Variants in PODXL observed in about 807,000 individuals in gnomAD.
PODXL encodes the protein podocalyxin like, also known as podocalyxin.
PODXL carries 20 observed loss-of-function variants against 48.9 expected under a neutral mutation model. That is an observed-to-expected ratio of 0.41 (90% confidence interval 0.29 to 0.59). The LOEUF (loss-of-function observed/expected upper bound fraction) is 0.59, where lower values mean the gene tolerates loss of function less well. PODXL is among the 20% of genes least tolerant of loss of function. The pLI is 0.31. For synonymous variants in PODXL, 295 were observed against 287.4 expected, an observed-to-expected ratio of 1.03 and a Z score of -0.27; for missense variants, 606 against 675.1, an observed-to-expected ratio of 0.90 and a Z score of 1.13.
At position 131,500,780 on chromosome 7, in the gene PODXL, C is replaced by A. The variant is rs1299468588; in HGVS notation, c.*3531G>T. 1 of 152,170 alleles carries A rather than the reference C, an allele frequency of 6.6e-6. No homozygotes were observed. The highest frequency in any genetic ancestry group is 2.4e-5 in the African/African-American group (1 of 41,424). 9.4% of individuals were successfully genotyped at this position (152,170 alleles called of 1,614,324 possible). A position where few individuals can be genotyped will look rare whatever the true frequency, so the allele number is the denominator to read the frequency against. On this transcript the variant is annotated 3_prime_UTR_variant, in exon 9 of 9. Coordinates refer to ENST00000378555, the MANE Select transcript of PODXL (RefSeq NM_001018111.3). Reference sequence around the variant, plus strand: ...CTCCCTAGCCTTGCTAGGGTAACAACTGGGAAAGGAATTCTGTCCTTTGTG... The same window carrying A: ...CTCCCTAGCCTTGCTAGGGTAACAAATGGGAAAGGAATTCTGTCCTTTGTG...
Position 131,500,662 on chromosome 7 carries a change from CT to C in PODXL, c.*3648del, listed in dbSNP as rs1201638098. ...TAAAAGCTCATCCAAAACTTTGTTT[CT>C]TGGCAGAAAGAAAGAATTGTTCACT... On this transcript the variant is annotated 3_prime_UTR_variant, in exon 9 of 9. Coordinates refer to ENST00000378555, the MANE Select transcript of PODXL (RefSeq NM_001018111.3). 1.3e-5 allele frequency: 2 copies of C among 152,206 alleles called. No individual in the cohort carries two copies. The highest frequency in any genetic ancestry group is 4.8e-5 in the African/African-American group (2 of 41,454). The allele number at this position is 152,206 out of a possible 1,614,324, so 9.4% of individuals were successfully genotyped here.
intron 1 of PODXL, among the ~76,000 whole-genome samples, chr7:131,536,504 A>C (rs903128730): frequency 6.6e-6 from 1 of 152,192 alleles, no homozygotes; most frequent in Non-Finnish European, 1.5e-5. Flanking sequence ...GATGGTGCTT[A>C]CACCCTCGGG....
chr7:131,506,107 C>T, intron 7 of PODXL, 72 bp from the exon 8 acceptor site: 2 of 1,564,952 alleles, frequency 1.3e-6, no homozygotes, highest in South Asian at 2.3e-5. Context: ...ACTGTAGAGC[C>T]CCTCCGCTTG....
intron 6 of PODXL, 47 bp from the exon 7 acceptor site, chr7:131,506,368 C>G (rs1277782955): frequency 6.3e-7 from 1 of 1,598,538 alleles, no homozygotes; most frequent in Admixed American, 1.7e-5. Context: ...CAGAGCGAGG[C>G]AGTGGGGGAC....
chr7:131,523,833 C>CTGTTGCCCA (rs1798130369), intron 1 of PODXL, among the ~76,000 whole-genome samples: 1 of 149,744 alleles, frequency 6.7e-6, no homozygotes, highest in South Asian at 2.1e-4. Flanking sequence ...CAGTCTCACT[C>CTGTTGCCCA]TGTTGCCCAG....
intron 1 of PODXL, among the ~76,000 whole-genome samples, chr7:131,534,454 T>A (rs988146083): frequency 6.6e-6 from 1 of 152,160 alleles, no homozygotes; most frequent in Non-Finnish European, 1.5e-5. Flanking sequence ...GGCCGCCACC[T>A]GTGAGAGCTC....
At chr7:131,550,392 C>G (rs1798649792) in intron 1 of PODXL, among the ~76,000 whole-genome samples, 1 of 152,186 alleles carries the variant, frequency 6.6e-6, no homozygotes. Context: ...CATGATGGCT[C>G]ATGCCTGTAA....
rs201847316 is a variant in PODXL, at chr7:131,556,290, G to A, written c.70C>T (p.Pro24Ser). ...LSTPPLLPSSPSPSPSPSQNA... is the reference protein window; with the variant it reads ...LSTPPLLPSSSSPSPSPSQNA... ...TGGGAGGGCGACGGCGACGGCGACG[G>A]CGACGACGGCAGCAGCGGCGGCGTT... The change falls in exon 1 of 9, where the codon CCG (proline) becomes TCG (serine). Residue 24 changes from proline (P) to serine (S), a missense_variant. By Grantham distance (74) the Pro-to-Ser change is moderately conservative. Transcript: ENST00000378555. 1 of 1,484,600 alleles carries A rather than the reference G, an allele frequency of 6.7e-7. No homozygotes were observed. Among genetic ancestry groups the A allele is most frequent in the Non-Finnish European group, 8.9e-7 (1 of 1,122,012 alleles). The allele number at this position is 1,484,600 out of a possible 1,614,324, so 92.0% of individuals were successfully genotyped here. A position where few individuals can be genotyped will look rare whatever the true frequency, so the allele number is the denominator to read the frequency against.
chr7:131,504,630 C>A, intron 8 of PODXL, 122 bp from the exon 9 acceptor site: 1 of 793,072 alleles, frequency 1.3e-6, no homozygotes, highest in East Asian at 2.5e-5. Context: ...CCTCATTGCT[C>A]GCCTGTGGGG....
At chr7:131,546,844 C>T (rs752447557) in intron 1 of PODXL, among the ~76,000 whole-genome samples, 1 of 152,062 alleles carries the variant, frequency 6.6e-6, no homozygotes. Flanking sequence ...GCAGGGGGCG[C>T]CATCTCAGTG....
chr7:131,526,080 T>G (rs1013231254), intron 1 of PODXL, among the ~76,000 whole-genome samples: 1 of 152,224 alleles, frequency 6.6e-6, no homozygotes. Flanking sequence ...ATGTTTGGTT[T>G]CTGATACCAT....
At position 131,511,154 on chromosome 7, in the gene PODXL, T is replaced by C; in HGVS notation, c.380A>G (p.Lys127Arg). Reference sequence around the variant, plus strand: ...TGCAACTGTAGTGGTGTCTGCACTTTTTGTGCTCTTGGGGCTCTCGATGGT... The same window carrying C: ...TGCAACTGTAGTGGTGTCTGCACTTCTTGTGCTCTTGGGGCTCTCGATGGT... ...TTTIESPKST[K>R]SADTTTVATS... The change falls in exon 2 of 9, where the codon AAA (lysine) becomes AGA (arginine). Residue 127 changes from lysine (K) to arginine (R), a missense_variant. Physicochemically the swap from Lys to Arg is conservative, Grantham distance 26 (BLOSUM62 2). Transcript: ENST00000378555. 1 of 1,614,032 alleles carries C rather than the reference T, an allele frequency of 6.2e-7. No homozygotes were observed. Among genetic ancestry groups the C allele is most frequent in the Non-Finnish European group, 8.5e-7 (1 of 1,180,008 alleles).
chr7:131,504,974 C>G (rs1040327172), intron 8 of PODXL, among the ~76,000 whole-genome samples: 2 of 152,212 alleles, frequency 1.3e-5, no homozygotes, highest in African/African-American at 4.8e-5. Context: ...CTGGCAGAGG[C>G]GCTTTCTGTC....
At position 131,556,605 on chromosome 7, in the gene PODXL, C is replaced by T. The variant is rs1436196848; in HGVS notation, c.-246G>A. The T allele has an allele frequency of 1.7e-5, 5 of 300,294 alleles. No homozygotes were observed. Among genetic ancestry groups the T allele is most frequent in the Non-Finnish European group, 2.3e-5 (4 of 171,596 alleles). The allele number at this position is 300,294 out of a possible 1,614,324, so 18.6% of individuals were successfully genotyped here. On this transcript the variant is annotated 5_prime_UTR_variant, in exon 1 of 9. Coordinates refer to ENST00000378555, the MANE Select transcript of PODXL (RefSeq NM_001018111.3). ...GCGGCGGCGGCTGCGTCCTGGGCGG[C>T]GTCTGCGCGGCTGCGGCCCCACTGG...
chr7:131,527,843 A>G (rs1798211984), intron 1 of PODXL, among the ~76,000 whole-genome samples: 1 of 151,444 alleles, frequency 6.6e-6, no homozygotes, highest in African/African-American at 2.4e-5. Flanking sequence ...CAGAGGAGAT[A>G]GACCTGTGCC....
At chr7:131,505,842 CTG>C in intron 8 of PODXL, 24 bp downstream of exon 8, 1 of 1,542,480 alleles carries the variant, frequency 6.5e-7, no homozygotes, top group East Asian at 2.4e-5. Context: ...GCTGCTTCCC[CTG>C]TGTGGCTGCA....
At chr7:131,511,461 GT>G in intron 1 of PODXL, 28 bp from the exon 2 acceptor site, 1 of 1,597,894 alleles carries the variant, frequency 6.3e-7, no homozygotes, top group African/African-American at 1.3e-5. Flanking sequence ...AGAGAATGGA[GT>G]TAGGGCTGGG....
At chr7:131,517,528 CAA>C in intron 1 of PODXL, among the ~76,000 whole-genome samples, 1 of 152,304 alleles carries the variant, frequency 6.6e-6, no homozygotes, top group East Asian at 1.9e-4. Context: ...GCTGCGTTAA[CAA>C]ATGACTACAA....
At chr7:131,522,968 A>G (rs1265886139) in intron 1 of PODXL, among the ~76,000 whole-genome samples, 1 of 152,202 alleles carries the variant, frequency 6.6e-6, no homozygotes, top group Non-Finnish European at 1.5e-5. Flanking sequence ...TTGGGCTATT[A>G]TGCATAATGC....
Sources: allele counts gnomAD v4.1 joint callset (sites outside exome capture counted in the v4.1 genomes callset), GRCh38; gene constraint gnomAD v4.1.1; transcripts MANE v1.5; gene names NCBI Gene and HGNC (gene_info 2026-07-23, HGNC 2026-07-21).